The following DLG2 variants were observed in gnomAD, a reference collection of about 807,000 sequenced individuals.
The protein encoded by DLG2 is discs large MAGUK scaffold protein 2, also known as disks large homolog 2.
A neutral mutation model predicts 132.5 loss-of-function variants in DLG2; 45 were observed. The ratio of observed to expected loss-of-function variants is 0.34; its 90% CI spans 0.27 to 0.44. DLG2 has a LOEUF of 0.44. Ranked by LOEUF, DLG2 falls within the 20% of genes least tolerant of loss-of-function variation. The pLI, the probability that DLG2 is intolerant of heterozygous loss-of-function variation, is 1.00. For synonymous variants in DLG2, 424 were observed against 419.6 expected, an observed-to-expected ratio of 1.01 and a Z score of -0.13; for missense variants, 1,045 against 1,196.9, an observed-to-expected ratio of 0.87 and a Z score of 1.87.
intron 15 of DLG2, among the ~76,000 whole-genome samples, chr11:83,893,917 AATT>A (rs1349912720): frequency 1.3e-5 from 2 of 152,196 alleles, no homozygotes; most frequent in Non-Finnish European, 1.5e-5. Context: ...CCCTGCTGGA[AATT>A]ATTATGTTAC....
At chr11:84,871,789 C>T (rs529447676) in intron 6 of DLG2, among the ~76,000 whole-genome samples, 143 of 152,114 alleles carry the variant, frequency 9.4e-4, no homozygotes, top group Non-Finnish European at 1.5e-3. Flanking sequence ...GTACCACGAT[C>T]CTGGCTCACT....
chr11:84,666,540 C>A (rs1390196655), intron 6 of DLG2, among the ~76,000 whole-genome samples: 1 of 151,948 alleles, frequency 6.6e-6, no homozygotes, highest in Non-Finnish European at 1.5e-5. Context: ...CTGGAGAAGT[C>A]TGACACTTAC....
At position 85,430,407 on chromosome 11, in the gene DLG2, T is replaced by C. The variant is rs572524296; in HGVS notation, c.41-145042A>G. 2.7e-3 allele frequency among the ~76,000 whole-genome samples: 408 copies of C among 152,160 alleles called. 1 individual carries two copies. The highest frequency in any genetic ancestry group is 9.3e-3 in the African/African-American group (387 of 41,526). On this transcript the variant is annotated intron_variant, in intron 3 of 27. Coordinates refer to ENST00000376104, the MANE Select transcript of DLG2 (RefSeq NM_001142699.3). ...TACATGATTGAAATGTTAATTGTGGTATCATTTATTAAAATAAAAAATTAG... is the reference window on the plus strand; with the variant it reads ...TACATGATTGAAATGTTAATTGTGGCATCATTTATTAAAATAAAAAATTAG...
At chr11:84,696,339 C>T (rs1296496939) in intron 6 of DLG2, among the ~76,000 whole-genome samples, 3 of 151,432 alleles carry the variant, frequency 2.0e-5, no homozygotes, top group African/African-American at 7.3e-5. Flanking sequence ...CCCTATTATT[C>T]ACCCAAATCT....
chr11:84,459,083 CT>C (rs199607573), intron 7 of DLG2, among the ~76,000 whole-genome samples: 4 of 149,752 alleles, frequency 2.7e-5, no homozygotes, highest in East Asian at 2.0e-4. Flanking sequence ...CTTAACTACT[CT>C]TTTTTTTTGC....
chr11:84,345,761 A>C (rs1477093772), intron 7 of DLG2, among the ~76,000 whole-genome samples: 5 of 152,182 alleles, frequency 3.3e-5, no homozygotes, highest in African/African-American at 1.2e-4. Context: ...TTGTAGGCCA[A>C]ATCCTTCTCA....
chr11:85,241,065 T>A (rs1276363559), intron 4 of DLG2, among the ~76,000 whole-genome samples: 1 of 151,740 alleles, frequency 6.6e-6, no homozygotes, highest in Non-Finnish European at 1.5e-5. Context: ...TTAGATATTA[T>A]TAATGCTTTT....
chr11:84,841,954 A>T (rs2080753270), intron 6 of DLG2, among the ~76,000 whole-genome samples: 1 of 151,800 alleles, frequency 6.6e-6, no homozygotes, highest in Non-Finnish European at 1.5e-5. Context: ...TCTTCTTATG[A>T]TATATTATTT....
chr11:83,564,741 C>A (rs1593298657), intron 19 of DLG2, among the ~76,000 whole-genome samples: 1 of 152,144 alleles, frequency 6.6e-6, no homozygotes, highest in East Asian at 1.9e-4. Context: ...TAAATAAAAC[C>A]ATTCCATCTC....
intron 19 of DLG2, among the ~76,000 whole-genome samples, chr11:83,601,510 C>CTTTTTTT (rs71066054): frequency 0.26 from 24,332 of 94,302 alleles, 5,683 homozygotes; most frequent in East Asian, 0.32. Context: ...ATGTGATGTT[C>CTTTTTTT]TTTTTTTTTT....
At chr11:83,521,658 G>A (rs2095482790) in intron 21 of DLG2, among the ~76,000 whole-genome samples, 1 of 152,116 alleles carries the variant, frequency 6.6e-6, no homozygotes, top group Non-Finnish European at 1.5e-5. Context: ...CTCCTAGTGG[G>A]CAGTTACTTT....
intron 3 of DLG2, among the ~76,000 whole-genome samples, chr11:85,403,637 G>C (rs2088419860): frequency 6.6e-6 from 1 of 151,916 alleles, no homozygotes; most frequent in Non-Finnish European, 1.5e-5. Context: ...TTGTGGGCAG[G>C]GTAAGGAAAA....
intron 6 of DLG2, among the ~76,000 whole-genome samples, chr11:84,552,125 C>A (rs992709320): frequency 4.7e-4 from 71 of 152,110 alleles, no homozygotes; most frequent in Non-Finnish European, 4.0e-4. Context: ...GTACATTTTA[C>A]CAAGTGAATG....
At chr11:85,218,821 C>T (rs745466211) in intron 4 of DLG2, among the ~76,000 whole-genome samples, 7 of 152,204 alleles carry the variant, frequency 4.6e-5, no homozygotes, top group Admixed American at 6.5e-5. Flanking sequence ...AACCCAGGTG[C>T]CCATCCATGG....
chr11:84,193,136 T>C (rs1236011522), intron 8 of DLG2, among the ~76,000 whole-genome samples: 1 of 152,224 alleles, frequency 6.6e-6, no homozygotes, highest in Non-Finnish European at 1.5e-5. Context: ...GATATCTATT[T>C]GACATTATTA....
At chr11:85,494,235 T>C (rs1467186127) in intron 3 of DLG2, among the ~76,000 whole-genome samples, 2 of 152,220 alleles carry the variant, frequency 1.3e-5, no homozygotes, top group African/African-American at 4.8e-5. Flanking sequence ...TACTGTCTTT[T>C]ATTTTACTCT....
chr11:84,710,997 CAT>C (rs201024808), intron 6 of DLG2, among the ~76,000 whole-genome samples: 4 of 96,156 alleles, frequency 4.2e-5, no homozygotes, highest in Admixed American at 1.2e-4. Flanking sequence ...CAAGTACATT[CAT>C]ATATATATAG....
chr11:84,784,969 T>A (rs913255332), intron 6 of DLG2, among the ~76,000 whole-genome samples: 1 of 152,166 alleles, frequency 6.6e-6, no homozygotes, highest in African/African-American at 2.4e-5. Flanking sequence ...ACAGAAATGA[T>A]AACTATGTGA....
At chr11:84,879,409 G>A (rs2086926669) in intron 6 of DLG2, among the ~76,000 whole-genome samples, 1 of 152,106 alleles carries the variant, frequency 6.6e-6, no homozygotes, top group African/African-American at 2.4e-5. Flanking sequence ...AGCTCAAAAT[G>A]ATTTTACAAA....
Sources: allele counts gnomAD v4.1 joint callset (sites outside exome capture counted in the v4.1 genomes callset), GRCh38; gene constraint gnomAD v4.1.1; transcripts MANE v1.5; gene names NCBI Gene and HGNC (gene_info 2026-07-23, HGNC 2026-07-21).